The following SORBS2 variants were observed in gnomAD, a reference collection of about 807,000 sequenced individuals.
The protein encoded by SORBS2 is sorbin and SH3 domain containing 2.
In SORBS2, 46 loss-of-function variants were observed where a neutral mutation model predicts 97.7. The observed-to-expected ratio is 0.47, with a 90% CI of 0.37 to 0.60. The LOEUF is 0.60. SORBS2 is among the 20% of genes least tolerant of loss of function. The pLI is 0.00. For missense variants in SORBS2, 1,316 were observed against 1,282.3 expected (o/e 1.03, Z -0.40); for synonymous variants, 476 against 473.4 (o/e 1.01, Z -0.07).
chr4:185,614,447 G>T (rs542626232), intron 11 of SORBS2, among the ~76,000 whole-genome samples: 1 of 152,196 alleles, frequency 6.6e-6, no homozygotes, highest in East Asian at 1.9e-4. Flanking sequence ...GATAGAGGAA[G>T]ATAAGGATTG....
intron 1 of SORBS2, among the ~76,000 whole-genome samples, chr4:185,880,519 A>G (rs6835317): frequency 6.6e-6 from 1 of 152,148 alleles, no homozygotes; most frequent in African/African-American, 2.4e-5. Flanking sequence ...TTATTGTGTC[A>G]GTTATACCTA....
chr4:185,614,870 G>A (rs2153410379), exon 11 of SORBS2: 1 of 1,614,192 alleles, frequency 6.2e-7, no homozygotes, highest in Non-Finnish European at 8.5e-7. Context: ...CTGCGTTGAA[G>A]TTGTATTTGG....
intron 2 of SORBS2, among the ~76,000 whole-genome samples, chr4:185,762,969 AC>A (rs1441046866): frequency 6.6e-6 from 1 of 152,162 alleles, no homozygotes; most frequent in Non-Finnish European, 1.5e-5. Flanking sequence ...CGGGTGGATC[AC>A]CTGAGGTCAG....
chr4:185,642,461 A>G (rs750174311), intron 4 of SORBS2, among the ~76,000 whole-genome samples: 2 of 152,018 alleles, frequency 1.3e-5, no homozygotes, highest in Admixed American at 6.6e-5. Flanking sequence ...GCAATGGGAT[A>G]TAAAGGTTTT....
intron 2 of SORBS2, among the ~76,000 whole-genome samples, chr4:185,716,435 G>A (rs1276177490): frequency 6.6e-6 from 1 of 152,220 alleles, no homozygotes; most frequent in Non-Finnish European, 1.5e-5. Context: ...GAGTCTGGCA[G>A]GTACTGCCAA....
rs147177563 is a variant in SORBS2, at chr4:185,610,514, A to G, written c.2796+1266T>C. Among the ~76,000 whole-genome samples the G allele has an allele frequency of 5.7e-3, 873 of 152,272 alleles. 5 individuals carry two copies. The highest frequency in any genetic ancestry group is 0.014 in the African/African-American group (563 of 41,562). On this transcript the variant is annotated intron_variant, in intron 12 of 14. Coordinates refer to ENST00000418609, the Ensembl canonical transcript of SORBS2. ...TACAGGGTTGAGGGTAATTATTTGC[A>G]ACTGAAACTCAGTCTTCAAAGAGGA...
chr4:185,799,535 T>C (rs2099120811), intron 1 of SORBS2, among the ~76,000 whole-genome samples: 1 of 152,208 alleles, frequency 6.6e-6, no homozygotes, highest in South Asian at 2.1e-4. Flanking sequence ...ACACGAATTG[T>C]AGTGGTGCCT....
chr4:185,922,027 GATGA>G (rs2099261136), intron 1 of SORBS2, among the ~76,000 whole-genome samples: 1 of 152,200 alleles, frequency 6.6e-6, no homozygotes, highest in Admixed American at 6.5e-5. Flanking sequence ...TTCTTCATCT[GATGA>G]ATGGATTTGG....
chr4:185,764,143 C>T (rs540412497), intron 2 of SORBS2, among the ~76,000 whole-genome samples: 1 of 152,306 alleles, frequency 6.6e-6, no homozygotes, highest in East Asian at 1.9e-4. Flanking sequence ...ACAGGAAACT[C>T]AAGCATATCC....
At chr4:185,903,730 A>C (rs2099249044) in intron 1 of SORBS2, among the ~76,000 whole-genome samples, 1 of 152,236 alleles carries the variant, frequency 6.6e-6, no homozygotes, top group South Asian at 2.1e-4. Context: ...GGTAGCTGTA[A>C]GGACCCTGTG....
intron 1 of SORBS2, among the ~76,000 whole-genome samples, chr4:185,817,250 CCA>C (rs2099193824): frequency 6.6e-6 from 1 of 151,992 alleles, no homozygotes; most frequent in African/African-American, 2.4e-5. Flanking sequence ...TAACCCCCTC[CCA>C]CAGCCCTGTT....
intron 1 of SORBS2, among the ~76,000 whole-genome samples, chr4:185,827,444 T>C (rs137954462): frequency 0.64 from 32 of 50 alleles, 7 homozygotes; most frequent in African/African-American, 0.75. Flanking sequence ...ACCATCATCA[T>C]CATCATCATC....
At position 185,606,104 on chromosome 4, in the gene SORBS2, A is replaced by T; in HGVS notation, c.2796+5676T>A. ...ATTATTAGCATTATTATTTTTGCAA[A>T]GTGCCGTTATGTCAAAGGTATGGTG... is the stretch of plus-strand genomic sequence containing the variant. On this transcript the variant is annotated intron_variant, in intron 12 of 14. Coordinates refer to ENST00000418609, the Ensembl canonical transcript of SORBS2. The surrounding 1 kb of genome is among the most constrained non-coding windows in gnomAD (Gnocchi z 4.3). The T allele has an allele frequency of 3.0e-6, 3 of 985,388 alleles. No homozygotes were observed. Among genetic ancestry groups the T allele is most frequent in the South Asian group, 9.4e-5 (2 of 21,288 alleles). The allele number at this position is 985,388 out of a possible 1,614,324, so 61.0% of individuals were successfully genotyped here. A position where few individuals can be genotyped will look rare whatever the true frequency, so the allele number is the denominator to read the frequency against.
At chr4:185,737,260 T>C (rs564441236) in intron 2 of SORBS2, among the ~76,000 whole-genome samples, 29 of 152,248 alleles carry the variant, frequency 1.9e-4, no homozygotes, top group Admixed American at 5.9e-4. Flanking sequence ...AGAGGTTTGA[T>C]AGAAAAGAAC....
intron 2 of SORBS2, among the ~76,000 whole-genome samples, chr4:185,761,214 A>G (rs2098887487): frequency 6.6e-6 from 1 of 152,246 alleles, no homozygotes; most frequent in East Asian, 1.9e-4. Context: ...TTATTCATTC[A>G]GAGATTTTAC....
intron 1 of SORBS2, among the ~76,000 whole-genome samples, chr4:185,778,604 C>A (rs1236541437): frequency 6.6e-6 from 1 of 152,074 alleles, no homozygotes; most frequent in African/African-American, 2.4e-5. Flanking sequence ...TTACAAACAC[C>A]AGTACCCCGG....
intron 2 of SORBS2, among the ~76,000 whole-genome samples, chr4:185,755,386 C>T (rs947589530): frequency 1.6e-4 from 24 of 152,218 alleles, no homozygotes; most frequent in African/African-American, 5.5e-4. Flanking sequence ...ACTCCACTAT[C>T]CTTAGACTAC....
chr4:185,809,098 G>A (rs1318725591), intron 1 of SORBS2, among the ~76,000 whole-genome samples: 1 of 151,972 alleles, frequency 6.6e-6, no homozygotes, highest in Admixed American at 6.6e-5. Context: ...AATGTTTTAA[G>A]TTTCCTTGAT....
At chr4:185,698,492 C>CAA (rs5864952) in intron 2 of SORBS2, among the ~76,000 whole-genome samples, 1 of 151,450 alleles carries the variant, frequency 6.6e-6, no homozygotes, top group Non-Finnish European at 1.5e-5. Flanking sequence ...GACTCCATCT[C>CAA]AAAAAAATGA....
Sources: allele counts gnomAD v4.1 joint callset (sites outside exome capture counted in the v4.1 genomes callset), GRCh38; gene constraint gnomAD v4.1.1; non-coding constraint Gnocchi (gnomAD v3.1); transcripts MANE v1.5; gene names NCBI Gene and HGNC (gene_info 2026-07-23, HGNC 2026-07-21).